The following AK5 variants were observed in gnomAD, a reference collection of about 807,000 sequenced individuals.
The protein encoded by AK5 is adenylate kinase isoenzyme 5.
AK5 carries 27 observed loss-of-function variants against 69.5 expected under a neutral mutation model. The ratio of observed to expected loss-of-function variants is 0.39; its 90% confidence interval spans 0.29 to 0.54. AK5 has a LOEUF of 0.54. Ranked by LOEUF, AK5 falls within the 20% of genes least tolerant of loss-of-function variation. The probability of loss-of-function intolerance (pLI) is 0.71; values close to 1 mark genes in which losing one functional copy is unlikely to be tolerated. For synonymous variants in AK5, 260 were observed against 244.4 expected (o/e 1.06, Z -0.60); for missense variants, 531 against 700.4 (o/e 0.76, Z 2.73).
At chr1:77,471,158 A>G (rs1336067294) in intron 8 of AK5, among the ~76,000 whole-genome samples, 2 of 151,878 alleles carry the variant, frequency 1.3e-5, no homozygotes, top group East Asian at 1.9e-4. Flanking sequence ...CTGGAATTAC[A>G]GGCGTGAGCC....
intron 10 of AK5, among the ~76,000 whole-genome samples, chr1:77,500,890 C>A (rs1280361761): frequency 6.6e-6 from 1 of 151,904 alleles, no homozygotes; most frequent in Non-Finnish European, 1.5e-5. Context: ...TTTTTATGTT[C>A]CTACCCATCC....
intron 8 of AK5, among the ~76,000 whole-genome samples, chr1:77,463,035 C>A (rs1319549792): frequency 6.6e-6 from 1 of 152,146 alleles, no homozygotes; most frequent in African/African-American, 2.4e-5. Flanking sequence ...AATCTAGATT[C>A]TAATGGGATT....
At chr1:77,321,456 G>C (rs1041388769) in intron 5 of AK5, among the ~76,000 whole-genome samples, 1 of 151,744 alleles carries the variant, frequency 6.6e-6, no homozygotes, top group African/African-American at 2.4e-5. Flanking sequence ...GCAATAGATA[G>C]AGCGAGACTC....
chr1:77,487,651 T>C (rs1224501965), intron 10 of AK5, among the ~76,000 whole-genome samples: 1 of 152,226 alleles, frequency 6.6e-6, no homozygotes, highest in Non-Finnish European at 1.5e-5. Context: ...CATTGTTAGA[T>C]GAGGAAACTG....
At chr1:77,555,320 C>G (rs1660044934) in intron 13 of AK5, among the ~76,000 whole-genome samples, 1 of 152,100 alleles carries the variant, frequency 6.6e-6, no homozygotes, top group Non-Finnish European at 1.5e-5. Context: ...TACGTGGTTC[C>G]TCATTATCGT....
At chr1:77,443,155 C>T (rs1334497144) in intron 8 of AK5, among the ~76,000 whole-genome samples, 1 of 152,076 alleles carries the variant, frequency 6.6e-6, no homozygotes, top group Non-Finnish European at 1.5e-5. Context: ...GAGGCTCATA[C>T]CTTAAGTCTT....
chr1:77,364,468 T>G (rs1557529656), intron 6 of AK5, among the ~76,000 whole-genome samples: 1 of 152,302 alleles, frequency 6.6e-6, no homozygotes, highest in East Asian at 1.9e-4. Context: ...ACTCTAGAAC[T>G]TATTCTTTCT....
chr1:77,309,119 A>G (rs1659802956), intron 5 of AK5, among the ~76,000 whole-genome samples: 1 of 151,910 alleles, frequency 6.6e-6, no homozygotes, highest in South Asian at 2.1e-4. Context: ...AAAAATAGCT[A>G]ATGCATGTGG....
intron 10 of AK5, among the ~76,000 whole-genome samples, chr1:77,490,797 T>A (rs970085228): frequency 6.0e-5 from 9 of 150,414 alleles, no homozygotes; most frequent in Admixed American, 2.0e-4. Flanking sequence ...TTTTTTTTTT[T>A]AAATCTCTTG....
intron 5 of AK5, among the ~76,000 whole-genome samples, chr1:77,328,905 T>C (rs1178066665): frequency 6.6e-6 from 1 of 152,206 alleles, no homozygotes; most frequent in Non-Finnish European, 1.5e-5. Flanking sequence ...TTCTTGAGGC[T>C]GGGAAGCCTA....
At chr1:77,384,332 T>C (rs1647856855) in intron 6 of AK5, among the ~76,000 whole-genome samples, 1 of 152,248 alleles carries the variant, frequency 6.6e-6, no homozygotes, top group African/African-American at 2.4e-5. Flanking sequence ...AAAATCCTTT[T>C]TAAGTGCAAT....
chr1:77,294,165 T>C (rs973479401), intron 3 of AK5, among the ~76,000 whole-genome samples: 2 of 152,228 alleles, frequency 1.3e-5, no homozygotes, highest in Non-Finnish European at 2.9e-5. Flanking sequence ...CTAATGCCTA[T>C]TGCATTTTCA....
At chr1:77,337,438 A>G (rs554994229) in intron 5 of AK5, among the ~76,000 whole-genome samples, 3 of 152,298 alleles carry the variant, frequency 2.0e-5, no homozygotes. Context: ...TTATATTTTA[A>G]TATGCGTTAT....
At position 77,300,997 on chromosome 1, in the gene AK5, C is replaced by T. The variant is rs74513510; in HGVS notation, c.699+3050C>T. Among the ~76,000 whole-genome samples, 145 of 152,166 alleles carry T rather than the reference C, an allele frequency of 9.5e-4. No homozygotes were observed. The East Asian group carries it at 0.026, about 27-fold the overall frequency. ...CACATACACACATGCCAACATTTTC[C>T]CCAAGATTTCCTCACAGATCTGGGG... On this transcript the variant is annotated intron_variant, in intron 5 of 13. Transcript: ENST00000354567.
intron 8 of AK5, among the ~76,000 whole-genome samples, chr1:77,448,618 C>T (rs930555146): frequency 6.6e-6 from 1 of 152,232 alleles, no homozygotes; most frequent in African/African-American, 2.4e-5. Flanking sequence ...CCTCATTCTT[C>T]CTGGTTGCAG....
intron 6 of AK5, chr1:77,346,251 A>G (rs1185456144): frequency 1.3e-5 from 2 of 152,144 alleles, no homozygotes; most frequent in African/African-American, 4.8e-5. Context: ...TGTAATTCCC[A>G]TCCCATCAGA....
Position 77,356,511 on chromosome 1 carries a change from C to T in AK5, c.891+15943C>T, listed in dbSNP as rs183782441. ...ACAGATCACAGTTCTAGGCCATTCA[C>T]GAGTTCTTGACCTTTTGCACAAGTT... On this transcript the variant is annotated intron_variant, in intron 6 of 13. Coordinates refer to ENST00000354567, the MANE Select transcript of AK5 (RefSeq NM_174858.3). Among the ~76,000 whole-genome samples, 7 of 152,280 alleles carry T rather than the reference C, an allele frequency of 4.6e-5. No individual in the cohort carries two copies. In the East Asian group the frequency reaches 5.8e-4, roughly 13 times the overall value.
intron 10 of AK5, among the ~76,000 whole-genome samples, chr1:77,498,059 G>C (rs1278985357): frequency 2.6e-5 from 4 of 152,190 alleles, no homozygotes; most frequent in Middle Eastern, 3.2e-3. Context: ...GGCTGGAAGA[G>C]AGCTAAGACC....
At chr1:77,336,177 G>A (rs1661351894) in intron 5 of AK5, among the ~76,000 whole-genome samples, 1 of 151,730 alleles carries the variant, frequency 6.6e-6, no homozygotes, top group African/African-American at 2.4e-5. Flanking sequence ...CGCCTCCCGG[G>A]TTCAAGTGAT....
Sources: allele counts gnomAD v4.1 joint callset (sites outside exome capture counted in the v4.1 genomes callset), GRCh38; gene constraint gnomAD v4.1.1; transcripts MANE v1.5; gene names NCBI Gene and HGNC (gene_info 2026-07-23, HGNC 2026-07-21).